The following NEDD4L variants were observed in gnomAD, a reference collection of about 807,000 sequenced individuals.
The protein encoded by NEDD4L is NEDD4 like E3 ubiquitin protein ligase, also known as E3 ubiquitin-protein ligase NEDD4-like.
In NEDD4L, 54 loss-of-function variants were observed where a neutral mutation model predicts 148.9. The observed-to-expected ratio is 0.36, with a 90% CI of 0.29 to 0.45. NEDD4L has a LOEUF of 0.45. Ranked by LOEUF, NEDD4L falls within the 20% of genes least tolerant of loss-of-function variation. The probability of loss-of-function intolerance (pLI) is 1.00; values close to 1 mark genes in which losing one functional copy is unlikely to be tolerated. For synonymous variants in NEDD4L, 433 were observed against 440.7 expected (o/e 0.98, Z 0.22); for missense variants, 856 against 1,233.8 (o/e 0.69, Z 4.59).
chr18:58,161,435 CTTT>C (rs55873387), intron 1 of NEDD4L, among the ~76,000 whole-genome samples: 64,255 of 140,142 alleles, frequency 0.46, 14,696 homozygotes, highest in Admixed American at 0.55. Flanking sequence ...TTTTCTTTTT[CTTT>C]TTTTTTTTTT....
intron 2 of NEDD4L, among the ~76,000 whole-genome samples, chr18:58,214,988 T>A (rs1054690813): frequency 1.3e-5 from 2 of 151,872 alleles, no homozygotes; most frequent in Non-Finnish European, 2.9e-5. Context: ...ATTTTTGTAT[T>A]TTTAGTAGAG....
At chr18:58,210,539 C>T (rs990326762) in intron 2 of NEDD4L, among the ~76,000 whole-genome samples, 3 of 152,178 alleles carry the variant, frequency 2.0e-5, no homozygotes, top group Admixed American at 6.5e-5. Context: ...ACCTCCGCCT[C>T]CCAGGTTCAG....
rs533571896 is a variant in NEDD4L, at chr18:58,057,397, G to A, written c.48+12689G>A. On this transcript the variant is annotated intron_variant, in intron 1 of 30. Coordinates refer to ENST00000400345, the MANE Select transcript of NEDD4L (RefSeq NM_001144967.3). ...GGGGAAAATAAGACACTCACAGTGG[G>A]GTAGCTGGCTGAACAGGAACAGCTG... Among the ~76,000 whole-genome samples, 79 of 152,264 alleles carry A rather than the reference G, an allele frequency of 5.2e-4. No individual in the cohort carries two copies. The Middle Eastern group carries it at 0.014, about 26-fold the overall frequency.
chr18:58,123,532 G>T (rs536044681), intron 1 of NEDD4L, among the ~76,000 whole-genome samples: 2 of 151,990 alleles, frequency 1.3e-5, no homozygotes, highest in Non-Finnish European at 2.9e-5. Context: ...CCCCCGCCCC[G>T]GTTGGACACC....
At chr18:58,344,456 A>T (rs1363279737) in intron 16 of NEDD4L, among the ~76,000 whole-genome samples, 1 of 152,236 alleles carries the variant, frequency 6.6e-6, no homozygotes, top group African/African-American at 2.4e-5. Context: ...AGTGATGACC[A>T]GAAATGCCCT....
At chr18:58,078,380 G>A (rs2083277301) in intron 1 of NEDD4L, among the ~76,000 whole-genome samples, 1 of 152,206 alleles carries the variant, frequency 6.6e-6, no homozygotes, top group South Asian at 2.1e-4. Flanking sequence ...TGGGATGAAT[G>A]TAATGAATGA....
At chr18:58,310,382 A>G (rs191169862) in intron 5 of NEDD4L, among the ~76,000 whole-genome samples, 1 of 152,356 alleles carries the variant, frequency 6.6e-6, no homozygotes. Context: ...TGTGTTTACC[A>G]AAAAGTACTT....
chr18:58,129,896 T>C (rs1338788260), intron 1 of NEDD4L, among the ~76,000 whole-genome samples: 15 of 150,064 alleles, frequency 1.0e-4, no homozygotes, highest in African/African-American at 3.5e-4. Flanking sequence ...TGTGGCTGTG[T>C]TGGGCTCTGG....
chr18:58,093,246 T>C (rs1269327470), intron 1 of NEDD4L, among the ~76,000 whole-genome samples: 1 of 152,198 alleles, frequency 6.6e-6, no homozygotes, highest in Non-Finnish European at 1.5e-5. Flanking sequence ...TACTGATTTT[T>C]AAATTTTTTT....
intron 2 of NEDD4L, among the ~76,000 whole-genome samples, chr18:58,180,209 C>T (rs2146954074): frequency 6.6e-6 from 1 of 152,362 alleles, no homozygotes; most frequent in East Asian, 1.9e-4. Context: ...CGCTCTTCCT[C>T]CTCTGTGCCT....
chr18:58,155,269 G>T (rs1340143119), intron 1 of NEDD4L, among the ~76,000 whole-genome samples: 2 of 124,584 alleles, frequency 1.6e-5, no homozygotes, highest in African/African-American at 2.9e-5. Flanking sequence ...CTTGTGTTTT[G>T]AAAAAAAAAA....
chr18:58,299,907 C>T lies in NEDD4L; in HGVS notation c.298-16075C>T, dbSNP rs562796719. On this transcript the variant is annotated intron_variant, in intron 5 of 30. Coordinates refer to ENST00000400345, the MANE Select transcript of NEDD4L (RefSeq NM_001144967.3). ...TCCATTTATGATCTGCCAGATGTTA[C>T]AATGACTAGCTCCCCAAGGAACGAT... 8.5e-5 allele frequency among the ~76,000 whole-genome samples: 13 copies of T among 152,310 alleles called. No individual in the cohort carries two copies. In the South Asian group the frequency reaches 1.2e-3, roughly 15 times the overall value.
chr18:58,339,884 C>G (rs1351905215), intron 13 of NEDD4L, among the ~76,000 whole-genome samples: 1 of 152,086 alleles, frequency 6.6e-6, no homozygotes, highest in East Asian at 1.9e-4. Context: ...GGCATAAGCA[C>G]AGGAAGAAGT....
intron 24 of NEDD4L, among the ~76,000 whole-genome samples, chr18:58,381,601 C>T (rs543409584): frequency 2.3e-4 from 35 of 152,256 alleles, no homozygotes; most frequent in Admixed American, 7.8e-4. Flanking sequence ...AAAGCCTTCT[C>T]GATACCAATG....
intron 21 of NEDD4L, 55 bp from the exon 22 acceptor site, chr18:58,367,691 C>G: frequency 6.2e-7 from 1 of 1,605,196 alleles, no homozygotes; most frequent in South Asian, 1.1e-5. Context: ...AACAAATATG[C>G]AAAATCTTGC....
rs183297086 is a variant in NEDD4L, at chr18:58,145,573, A to C, written c.49-20215A>C. On this transcript the variant is annotated intron_variant, in intron 1 of 30. Coordinates refer to ENST00000400345, the MANE Select transcript of NEDD4L (RefSeq NM_001144967.3). Reference sequence around the variant, plus strand: ...GACAGTATCCAGTGATAGTGATAATAAGGGTAATTACTACTCTAGCCAATT... The same window carrying C: ...GACAGTATCCAGTGATAGTGATAATCAGGGTAATTACTACTCTAGCCAATT... 2.8e-4 allele frequency among the ~76,000 whole-genome samples: 42 copies of C among 152,304 alleles called. No individual in the cohort carries two copies. The East Asian group carries it at 7.3e-3, about 27-fold the overall frequency.
intron 2 of NEDD4L, among the ~76,000 whole-genome samples, chr18:58,182,147 T>C (rs2038928922): frequency 6.6e-6 from 1 of 152,198 alleles, no homozygotes; most frequent in South Asian, 2.1e-4. Context: ...CATTAAGTCT[T>C]GGTGCAAGAA....
At chr18:58,273,108 T>C (rs999158627) in intron 5 of NEDD4L, among the ~76,000 whole-genome samples, 1 of 151,608 alleles carries the variant, frequency 6.6e-6, no homozygotes, top group African/African-American at 2.4e-5. Context: ...GGGAAGAGAG[T>C]CAGAGATGCT....
intron 1 of NEDD4L, among the ~76,000 whole-genome samples, chr18:58,106,453 G>T (rs1490538625): frequency 6.6e-6 from 1 of 152,170 alleles, no homozygotes. Context: ...AGAGTCTCCC[G>T]AGTGCTAGGT....
Sources: gnomAD v4.1 joint callset for allele counts (sites outside exome capture counted in the v4.1 genomes callset) on GRCh38, gnomAD v4.1.1 for gene constraint, MANE v1.5 for transcripts, NCBI Gene and HGNC (gene_info 2026-07-23, HGNC 2026-07-21) for gene names.